ESRRG: variants seen among roughly 807,000 people sequenced by gnomAD.
The protein encoded by ESRRG is estrogen related receptor gamma.
In ESRRG, 13 loss-of-function variants were observed where a neutral mutation model predicts 44.0. The ratio of observed to expected loss-of-function variants is 0.30; its 90% CI spans 0.19 to 0.47. The LOEUF (loss-of-function observed/expected upper bound fraction) is 0.47, where lower values mean the gene tolerates loss of function less well. Among genes scored for constraint, ESRRG ranks in the 20% least tolerant of loss-of-function variants. ESRRG has a pLI of 1.00. For missense variants in ESRRG, 395 were observed against 580.6 expected (o/e 0.68, Z 3.29); for synonymous variants, 215 against 214.6 (o/e 1.00, Z -0.02).
chr1:216,568,025 G>A lies in ESRRG; in HGVS notation c.663C>T (p.Tyr221=), dbSNP rs755909386. ...CTGGCTGAACCAGCTGAGGGTTCAG[G>A]TATGGGCTGTTCTCCGCATCTATCC... The part of the protein sequence containing the change: ...KRRIDAENSP[Y]LNPQLVQPAK... Residue 221 remains tyrosine (Y), a synonymous_variant, in exon 4 of 7, where the codon TAC becomes TAT. Transcript: ENST00000408911. 1 of 1,613,740 alleles carries A rather than the reference G, an allele frequency of 6.2e-7. No individual in the cohort carries two copies. Among genetic ancestry groups the A allele is most frequent in the Non-Finnish European group, 8.5e-7 (1 of 1,179,714 alleles).
intron 2 of ESRRG, among the ~76,000 whole-genome samples, chr1:216,748,197 C>T (rs2091628697): frequency 1.3e-5 from 2 of 152,160 alleles, no homozygotes; most frequent in Non-Finnish European, 2.9e-5. Flanking sequence ...CCTAGATCCA[C>T]ACTTGCTCAG....
chr1:217,133,634 TC>T lies in ESRRG; in HGVS notation c.-230+4032del, dbSNP rs1393228917. Among the ~76,000 whole-genome samples, 172 of 39,122 alleles carry T rather than the reference TC, an allele frequency of 4.4e-3. 1 individual carries two copies. Among genetic ancestry groups the T allele is most frequent in the Non-Finnish European group, 5.1e-3 (97 of 18,976 alleles). 25.7% of individuals were successfully genotyped at this position (39,122 alleles called of 152,430 possible). ...CTTTCTTTCTTTCTTTCTTTCTTTCTCTCTCTCTCTCTCTTTCTTTCTTTCT... is the reference window on the plus strand; with the variant it reads ...CTTTCTTTCTTTCTTTCTTTCTTTCTTCTCTCTCTCTCTTTCTTTCTTTCT... On this transcript the variant is annotated intron_variant, in intron 1 of 8. Transcript: ENST00000366940.
At chr1:216,810,201 GCA>G (rs1162995321) in intron 2 of ESRRG, among the ~76,000 whole-genome samples, 2 of 152,068 alleles carry the variant, frequency 1.3e-5, no homozygotes, top group East Asian at 3.9e-4. Context: ...CCCCACACCT[GCA>G]CCAGACACTT....
chr1:216,795,749 T>C (rs899678597), intron 2 of ESRRG, among the ~76,000 whole-genome samples: 8 of 152,300 alleles, frequency 5.3e-5, no homozygotes, highest in African/African-American at 1.9e-4. Context: ...AAGATTGTGA[T>C]GTCTCCTTCC....
intron 2 of ESRRG, among the ~76,000 whole-genome samples, chr1:216,732,170 T>C (rs2088944322): frequency 6.6e-6 from 1 of 150,780 alleles, no homozygotes; most frequent in African/African-American, 2.4e-5. Context: ...AGAAGTGGAA[T>C]ACCCAATATT....
At chr1:216,979,826 A>T (rs1025648) in intron 1 of ESRRG, among the ~76,000 whole-genome samples, 70,822 of 151,950 alleles carry the variant, frequency 0.47, 17,867 homozygotes, top group East Asian at 0.73. Context: ...TATTATATAG[A>T]CAGCTTGCCC....
intron 2 of ESRRG, among the ~76,000 whole-genome samples, chr1:216,654,726 G>GA (rs1213555645): frequency 1.3e-5 from 2 of 151,710 alleles, no homozygotes; most frequent in South Asian, 4.2e-4. Flanking sequence ...GAAAGATTAT[G>GA]AAAAAAATAC....
intron 2 of ESRRG, among the ~76,000 whole-genome samples, chr1:216,825,237 T>C (rs1019846936): frequency 6.6e-6 from 1 of 152,324 alleles, no homozygotes; most frequent in African/African-American, 2.4e-5. Flanking sequence ...ACAACCTTCC[T>C]GCCCCTTAAG....
chr1:216,683,972 C>T (rs2077485473), intron 1 of ESRRG, among the ~76,000 whole-genome samples: 1 of 152,176 alleles, frequency 6.6e-6, no homozygotes, highest in East Asian at 1.9e-4. Flanking sequence ...TATGTCTTCA[C>T]TCTTGCAAAA....
At chr1:216,567,952 G>A (rs773935541) in intron 4 of ESRRG, 36 bp downstream of exon 4, 14 of 1,384,584 alleles carry the variant, frequency 1.0e-5, no homozygotes, top group South Asian at 2.3e-5. Flanking sequence ...GGAGGATTTC[G>A]TGTTCTGGGA....
intron 2 of ESRRG, among the ~76,000 whole-genome samples, chr1:216,920,208 T>C (rs2061655296): frequency 1.3e-5 from 2 of 152,172 alleles, no homozygotes; most frequent in South Asian, 4.1e-4. Flanking sequence ...ATTCTAAAGA[T>C]TGTGGACGTA....
chr1:216,951,389 T>C (rs10492957), intron 1 of ESRRG, among the ~76,000 whole-genome samples: 54,581 of 152,070 alleles, frequency 0.36, 11,587 homozygotes, highest in Non-Finnish European at 0.48. Context: ...ATGGGCTTTA[T>C]GCATTACACA....
intron 2 of ESRRG, among the ~76,000 whole-genome samples, chr1:216,846,993 G>A (rs914844549): frequency 7.9e-5 from 12 of 152,042 alleles, no homozygotes; most frequent in African/African-American, 2.7e-4. Flanking sequence ...AATTCTCAGG[G>A]CTTTGATAAC....
chr1:216,990,079 A>T (rs2075449637), intron 1 of ESRRG, among the ~76,000 whole-genome samples: 1 of 152,204 alleles, frequency 6.6e-6, no homozygotes, highest in South Asian at 2.1e-4. Flanking sequence ...AGTCAAAAAA[A>T]AATTGTCTGA....
At chr1:216,841,792 T>C (rs116651314) in intron 2 of ESRRG, among the ~76,000 whole-genome samples, 1 of 152,256 alleles carries the variant, frequency 6.6e-6, no homozygotes, top group African/African-American at 2.4e-5. Context: ...TGTTGGTTCA[T>C]CTGGGTTCAG....
At chr1:216,864,310 C>G (rs1005488017) in intron 2 of ESRRG, 1 of 139,816 alleles carries the variant, frequency 7.2e-6, no homozygotes, top group African/African-American at 2.8e-5. Context: ...TAGGAGGCAG[C>G]TGGTCTCTAA....
intron 2 of ESRRG, among the ~76,000 whole-genome samples, chr1:216,816,243 T>C (rs2095133174): frequency 6.6e-6 from 1 of 152,192 alleles, no homozygotes; most frequent in Non-Finnish European, 1.5e-5. Context: ...TTCATGGGTG[T>C]TCATTACAAA....
intron 1 of ESRRG, among the ~76,000 whole-genome samples, chr1:216,999,844 C>T (rs2076802775): frequency 6.6e-6 from 1 of 152,182 alleles, no homozygotes; most frequent in South Asian, 2.1e-4. Context: ...CCATGGCAAA[C>T]CACTCAACCC....
At chr1:216,617,866 A>G (rs1053907931) in intron 3 of ESRRG, among the ~76,000 whole-genome samples, 1 of 152,220 alleles carries the variant, frequency 6.6e-6, no homozygotes, top group Non-Finnish European at 1.5e-5. Flanking sequence ...ATGCTTTACA[A>G]GATTTTGTGA....
Sources: allele counts gnomAD v4.1 joint callset (sites outside exome capture counted in the v4.1 genomes callset), GRCh38; gene constraint gnomAD v4.1.1; transcripts MANE v1.5; gene names NCBI Gene and HGNC (gene_info 2026-07-23, HGNC 2026-07-21).